The following CD274 variants were observed in gnomAD, a reference collection of about 807,000 sequenced individuals.
The protein encoded by CD274 is CD274 molecule.
In CD274, 8 loss-of-function variants were observed where a neutral mutation model predicts 30.1. That is an observed-to-expected ratio of 0.27 (90% CI 0.16 to 0.48). The LOEUF (loss-of-function observed/expected upper bound fraction) is 0.48. CD274 is among the 20% of genes least tolerant of loss of function. The pLI, the probability that CD274 is intolerant of heterozygous loss-of-function variation, is 0.99. For synonymous variants in CD274, 152 were observed against 124.6 expected (o/e 1.22, Z -1.46); for missense variants, 353 against 346.6 (o/e 1.02, Z -0.15).
chr9:5,463,321 T>C, intron 4 of CD274, 200 bp downstream of exon 4: 2 of 585,236 alleles, frequency 3.4e-6, no homozygotes, highest in Non-Finnish European at 6.1e-6. Flanking sequence ...AGCAGATATT[T>C]ATGGAATATA....
At position 5,467,962 on chromosome 9, in the gene CD274, G is replaced by A; in HGVS notation, c.*100G>A. ...GACAAGAGGAAGGAATGGGCCCGTG[G>A]GATGCAGGCAATGTGGGACTTAAAA... is the stretch of plus-strand genomic sequence containing the variant. On this transcript the variant is annotated 3_prime_UTR_variant, in exon 7 of 7. Coordinates refer to ENST00000381577, the MANE Select transcript of CD274 (RefSeq NM_014143.4). 2 of 994,126 alleles carry A rather than the reference G, an allele frequency of 2.0e-6. No homozygotes were observed. Among genetic ancestry groups the A allele is most frequent in the Non-Finnish European group, 3.2e-6 (2 of 620,484 alleles). The allele number at this position is 994,126 out of a possible 1,614,324, so 61.6% of individuals were successfully genotyped here. A position where few individuals can be genotyped will look rare whatever the true frequency, so the allele number is the denominator to read the frequency against.
intron 4 of CD274, 85 bp downstream of exon 4, chr9:5,463,206 G>A (rs1366520515): frequency 9.8e-7 from 1 of 1,021,874 alleles, no homozygotes; most frequent in Non-Finnish European, 1.5e-6. Context: ...TAGTCATTCA[G>A]TGATTGTTGA....
intron 1 of CD274, among the ~76,000 whole-genome samples, chr9:5,453,471 G>A (rs1460924257): frequency 6.6e-6 from 1 of 152,122 alleles, no homozygotes; most frequent in East Asian, 1.9e-4. Context: ...GCCTAGCCTG[G>A]GGCCCTGGCA....
At chr9:5,458,876 A>G (rs574985739) in intron 3 of CD274, among the ~76,000 whole-genome samples, 1 of 152,318 alleles carries the variant, frequency 6.6e-6, no homozygotes, top group South Asian at 2.1e-4. Flanking sequence ...CTGTGTTCCA[A>G]GATATTAAAG....
chr9:5,454,710 C>T (rs940577874), intron 1 of CD274, among the ~76,000 whole-genome samples: 3 of 151,760 alleles, frequency 2.0e-5, no homozygotes, highest in Non-Finnish European at 4.4e-5. Flanking sequence ...TTATGACATC[C>T]GCATTTACGA....
Position 5,468,898 on chromosome 9 carries a change from G to A in CD274, c.*1036G>A, listed in dbSNP as rs1011769981. The stretch of plus-strand genomic sequence containing the variant: ...ATTAAGTGCCCTTGCAATATCAATC[G>A]CTGTGCCAGGCATTGAATCTACAGA... On this transcript the variant is annotated 3_prime_UTR_variant, in exon 7 of 7. Coordinates refer to ENST00000381577, the MANE Select transcript of CD274 (RefSeq NM_014143.4). 4.7e-5 allele frequency: 11 copies of A among 232,922 alleles called. No homozygotes were observed. Among genetic ancestry groups the A allele is most frequent in the Non-Finnish European group, 5.9e-5 (7 of 117,918 alleles). 14.4% of individuals were successfully genotyped at this position (232,922 alleles called of 1,614,324 possible).
intron 1 of CD274, among the ~76,000 whole-genome samples, chr9:5,452,586 G>C (rs1486036087): frequency 6.6e-6 from 1 of 152,230 alleles, no homozygotes; most frequent in East Asian, 1.9e-4. Context: ...ATGAGGTTTA[G>C]AGGTTAAAGA....
At chr9:5,456,487 C>T (rs971423292) in intron 2 of CD274, among the ~76,000 whole-genome samples, 4 of 152,176 alleles carry the variant, frequency 2.6e-5, no homozygotes, top group Non-Finnish European at 5.9e-5. Context: ...TTCAACAAGG[C>T]CAAGATCCTT....
In CD274 at chr9:5,469,672, C is replaced by G. The variant is rs917463563; in HGVS notation, c.*1810C>G. 1.3e-5 allele frequency: 3 copies of G among 232,048 alleles called. No individual in the cohort carries two copies. The highest frequency in any genetic ancestry group is 2.6e-5 in the Non-Finnish European group (3 of 117,456). The allele number at this position is 232,048 out of a possible 1,614,324, so 14.4% of individuals were successfully genotyped here. On this transcript the variant is annotated 3_prime_UTR_variant, in exon 7 of 7. Transcript: ENST00000381577. ...AGCTTTTCATTATCTTTCATATGATCCAGTATATGTTAAATATGTCCTACA... is the reference window on the plus strand; with the variant it reads ...AGCTTTTCATTATCTTTCATATGATGCAGTATATGTTAAATATGTCCTACA...
At chr9:5,466,296 A>G (rs1819496892) in intron 5 of CD274, among the ~76,000 whole-genome samples, 1 of 152,190 alleles carries the variant, frequency 6.6e-6, no homozygotes, top group African/African-American at 2.4e-5. Context: ...AAGTAGTGTT[A>G]ACTGAGAGAG....
chr9:5,469,497 T>G lies in CD274; in HGVS notation c.*1635T>G, dbSNP rs1044415425. On this transcript the variant is annotated 3_prime_UTR_variant, in exon 7 of 7. Coordinates refer to ENST00000381577, the MANE Select transcript of CD274 (RefSeq NM_014143.4). Reference sequence around the variant, plus strand: ...TGTTAAAAGCACGTATTTTTAAAATTTTTTTCCTAAATAGTAACACATTGT... The same window carrying G: ...TGTTAAAAGCACGTATTTTTAAAATGTTTTTCCTAAATAGTAACACATTGT... The G allele has an allele frequency of 6.9e-5, 16 of 231,010 alleles. No individual in the cohort carries two copies. The highest frequency in any genetic ancestry group is 1.1e-4 in the Non-Finnish European group (13 of 116,786). The allele number at this position is 231,010 out of a possible 1,614,324, so 14.3% of individuals were successfully genotyped here.
chr9:5,466,250 C>T (rs988443535), intron 5 of CD274, among the ~76,000 whole-genome samples: 3 of 152,068 alleles, frequency 2.0e-5, no homozygotes, highest in African/African-American at 7.2e-5. Flanking sequence ...TTCCAATAGT[C>T]GTTGAAAAAT....
chr9:5,468,836 T>G lies in CD274; in HGVS notation c.*974T>G, dbSNP rs1007967502. ...TTTTATAATACAATTTACAGCTATA[T>G]TTTACTTTAAGCAATTCTTTTATTC... On this transcript the variant is annotated 3_prime_UTR_variant, in exon 7 of 7. Coordinates refer to ENST00000381577, the MANE Select transcript of CD274 (RefSeq NM_014143.4). 5 of 233,100 alleles carry G rather than the reference T, an allele frequency of 2.1e-5. No individual in the cohort carries two copies. In the East Asian group the frequency reaches 3.0e-4, roughly 14 times the overall value. 14.4% of individuals were successfully genotyped at this position (233,100 alleles called of 1,614,324 possible).
chr9:5,464,246 C>T (rs751823082), intron 4 of CD274, among the ~76,000 whole-genome samples: 1 of 152,150 alleles, frequency 6.6e-6, no homozygotes, highest in Non-Finnish European at 1.5e-5. Context: ...TTTATGACAA[C>T]TTACTTGTTG....
chr9:5,462,831 T>A lies in CD274; in HGVS notation c.395-3T>A, dbSNP rs543578734. 1 of 1,612,630 alleles carries A rather than the reference T, an allele frequency of 6.2e-7. No homozygotes were observed. Among genetic ancestry groups the A allele is most frequent in the African/African-American group, 1.3e-5 (1 of 75,004 alleles). Reference sequence around the variant, plus strand: ...CCCTGACTTCTTTTTGTTTATGTCCTAGCCCCATACAACAAAATCAACCAA... The same window carrying A: ...CCCTGACTTCTTTTTGTTTATGTCCAAGCCCCATACAACAAAATCAACCAA... On this transcript the variant is annotated splice_region_variant and splice_polypyrimidine_tract_variant and intron_variant, in intron 3 of 6. Coordinates refer to ENST00000381577, the MANE Select transcript of CD274 (RefSeq NM_014143.4).
At chr9:5,463,233 A>G in intron 4 of CD274, 112 bp downstream of exon 4, 1 of 814,576 alleles carries the variant, frequency 1.2e-6, no homozygotes, top group Non-Finnish European at 2.0e-6. Flanking sequence ...GAATGAATGA[A>G]TAACACTATG....
intron 1 of CD274, among the ~76,000 whole-genome samples, chr9:5,455,665 T>C (rs1056122354): frequency 1.3e-5 from 2 of 152,202 alleles, no homozygotes; most frequent in Non-Finnish European, 2.9e-5. Context: ...TGAAAGTATT[T>C]AGCTGTAGGG....
chr9:5,462,834 C>A lies in CD274; in HGVS notation c.395C>A (p.Ala132Asp), dbSNP rs1563804793. The A allele has an allele frequency of 6.2e-7, 1 of 1,612,644 alleles. No individual in the cohort carries two copies. Among genetic ancestry groups the A allele is most frequent in the Non-Finnish European group, 8.5e-7 (1 of 1,178,892 alleles). ...TGACTTCTTTTTGTTTATGTCCTAG[C>A]CCCATACAACAAAATCAACCAAAGA... The part of the protein sequence containing the change: ...DYKRITVKVN[A>D]PYNKINQRIL... Residue 132 changes from alanine (A) to aspartate (D), a missense_variant and splice_region_variant, in exon 4 of 7, where the codon GCC becomes GAC. Coordinates refer to ENST00000381577, the MANE Select transcript of CD274 (RefSeq NM_014143.4).
intron 2 of CD274, 65 bp downstream of exon 2, chr9:5,456,230 A>G (rs1819299709): frequency 2.9e-6 from 3 of 1,041,080 alleles, no homozygotes; most frequent in Non-Finnish European, 4.4e-6. Context: ...GTTTAAAACT[A>G]AAATGATCAT....
Sources: gnomAD v4.1 joint callset for allele counts (sites outside exome capture counted in the v4.1 genomes callset) on GRCh38, gnomAD v4.1.1 for gene constraint, MANE v1.5 for transcripts, NCBI Gene and HGNC (gene_info 2026-07-23, HGNC 2026-07-21) for gene names.